IMMP2L: variants seen among roughly 807,000 people sequenced by gnomAD.
IMMP2L encodes inner mitochondrial membrane peptidase subunit 2, also known as mitochondrial inner membrane protease subunit 2.
Under a neutral mutation model 19.3 loss-of-function variants are expected in IMMP2L, and 18 were observed. The ratio of observed to expected loss-of-function variants is 0.93; its 90% confidence interval spans 0.64 to 1.38. The LOEUF (loss-of-function observed/expected upper bound fraction) is 1.38, where lower values mean the gene tolerates loss of function less well. Among genes scored for constraint, IMMP2L ranks in the 40% most tolerant of loss-of-function variants. The pLI, the probability that IMMP2L is intolerant of heterozygous loss-of-function variation, is 0.00. For synonymous variants in IMMP2L, 76 were observed against 73.0 expected (o/e 1.04, Z -0.21); for missense variants, 233 against 218.2 (o/e 1.07, Z -0.43).
chr7:111,323,731 G>A (rs1372881843), intron 3 of IMMP2L, among the ~76,000 whole-genome samples: 1 of 152,058 alleles, frequency 6.6e-6, no homozygotes, highest in East Asian at 1.9e-4. Context: ...GCAAAGATTT[G>A]GAACCAACTC....
chr7:111,162,631 C>A (rs1334591790), intron 3 of IMMP2L, among the ~76,000 whole-genome samples: 3 of 150,896 alleles, frequency 2.0e-5, no homozygotes, highest in African/African-American at 7.4e-5. Flanking sequence ...AGATTTTGAG[C>A]GAGTAGTTTT....
At chr7:110,744,966 G>A (rs1584694862) in intron 5 of IMMP2L, among the ~76,000 whole-genome samples, 1 of 152,186 alleles carries the variant, frequency 6.6e-6, no homozygotes, top group East Asian at 1.9e-4. Flanking sequence ...AGCTAAAGGA[G>A]CATGTCTTAA....
Position 111,180,655 on chromosome 7 carries a change from C to G in IMMP2L, c.240-217090G>C, listed in dbSNP as rs562950064. Among the ~76,000 whole-genome samples, 45 of 152,128 alleles carry G rather than the reference C, an allele frequency of 3.0e-4. 1 individual carries two copies. Among genetic ancestry groups the G allele is most frequent in the African/African-American group, 1.0e-3 (43 of 41,508 alleles). On this transcript the variant is annotated intron_variant, in intron 3 of 5. Coordinates refer to ENST00000405709, the MANE Select transcript of IMMP2L (RefSeq NM_032549.4). ...TTACTCAATGCAGGGTTGCTACAAA[C>G]CTAATGCATAATACAGTGAAGCACA...
chr7:111,503,211 A>T (rs540390579), intron 2 of IMMP2L, among the ~76,000 whole-genome samples: 1 of 152,192 alleles, frequency 6.6e-6, no homozygotes, highest in Non-Finnish European at 1.5e-5. Context: ...AAATAACTAG[A>T]AAATCTAGAA....
intron 5 of IMMP2L, among the ~76,000 whole-genome samples, chr7:110,672,057 T>C (rs949239577): frequency 6.6e-6 from 1 of 152,120 alleles, no homozygotes; most frequent in Non-Finnish European, 1.5e-5. Context: ...TCAGAACTTG[T>C]ATTATTCCAT....
At chr7:111,422,603 TAAG>T (rs1353681766) in intron 3 of IMMP2L, among the ~76,000 whole-genome samples, 1 of 151,910 alleles carries the variant, frequency 6.6e-6, no homozygotes, top group South Asian at 2.1e-4. Context: ...CTTATCAGCT[TAAG>T]GAGATTTTGG....
chr7:111,223,641 G>A (rs966290405), intron 3 of IMMP2L, among the ~76,000 whole-genome samples: 6 of 152,002 alleles, frequency 3.9e-5, no homozygotes. Context: ...TTTGTAACAT[G>A]CTTAATTACC....
chr7:111,549,141 T>C (rs956429652), intron 1 of IMMP2L, among the ~76,000 whole-genome samples: 4 of 152,206 alleles, frequency 2.6e-5, no homozygotes, highest in African/African-American at 9.6e-5. Context: ...TTTGGCAGTA[T>C]TGACTTGTTA....
rs552607013 is a variant in IMMP2L, at chr7:111,321,262, A to G, written c.239+165976T>C. 1.6e-3 allele frequency among the ~76,000 whole-genome samples: 247 copies of G among 152,088 alleles called. 1 individual carries two copies. Among genetic ancestry groups the G allele is most frequent in the Middle Eastern group, 0.014 (4 of 294 alleles). On this transcript the variant is annotated intron_variant, in intron 3 of 5. Transcript: ENST00000405709. ...CCATACAGTGAGAATGTAAGTCAAC[A>G]CACAATTGGCTCAGGGTAAGCAGAT...
chr7:111,275,868 G>T (rs1450852605), intron 3 of IMMP2L, among the ~76,000 whole-genome samples: 1 of 152,010 alleles, frequency 6.6e-6, no homozygotes, highest in Non-Finnish European at 1.5e-5. Context: ...AAGAAATGCT[G>T]CTGATTCCTG....
chr7:110,697,344 G>A (rs1793966606), intron 5 of IMMP2L, among the ~76,000 whole-genome samples: 1 of 152,132 alleles, frequency 6.6e-6, no homozygotes. Context: ...AAATACAGGA[G>A]AACCTAAAAA....
chr7:110,785,045 T>G (rs2131105601), intron 5 of IMMP2L, among the ~76,000 whole-genome samples: 1 of 152,130 alleles, frequency 6.6e-6, no homozygotes, highest in African/African-American at 2.4e-5. Context: ...TTTTAACTTC[T>G]CATCAATATC....
In IMMP2L at chr7:111,487,331, T is replaced by C; in HGVS notation, c.146A>G (p.Asn49Ser). Residue 49 changes from asparagine (N) to serine (S), a missense_variant, in exon 3 of 6, where the codon AAT (asparagine) becomes AGT (serine). Transcript: ENST00000405709. ...VEGASMQPSL[N>S]PGGSQSSDVV... ...ATCAGATGACTGGCTCCCCCCAGGA[T>C]TCAAAGAAGGCTAGAAAATAAGGAG... The C allele has an allele frequency of 6.2e-7, 1 of 1,600,428 alleles. No homozygotes were observed. The highest frequency in any genetic ancestry group is 8.6e-7 in the Non-Finnish European group (1 of 1,167,650).
intron 5 of IMMP2L, among the ~76,000 whole-genome samples, chr7:110,837,405 G>A (rs1267925951): frequency 2.0e-5 from 3 of 151,846 alleles, no homozygotes; most frequent in Non-Finnish European, 2.9e-5. Context: ...GGGAGAAAGA[G>A]CAAGAAAGAG....
chr7:111,141,203 A>C (rs564108967), intron 3 of IMMP2L, among the ~76,000 whole-genome samples: 1 of 152,228 alleles, frequency 6.6e-6, no homozygotes, highest in Admixed American at 6.5e-5. Flanking sequence ...GTTACCACCA[A>C]ATTCCATACT....
chr7:110,768,644 G>A (rs887165575), intron 5 of IMMP2L, among the ~76,000 whole-genome samples: 2 of 152,058 alleles, frequency 1.3e-5, no homozygotes, highest in Non-Finnish European at 2.9e-5. Flanking sequence ...CCTCCCTCCC[G>A]GGCCAGCTTC....
intron 3 of IMMP2L, among the ~76,000 whole-genome samples, chr7:111,397,723 C>T (rs1040807174): frequency 4.6e-5 from 7 of 151,962 alleles, no homozygotes; most frequent in Admixed American, 1.3e-4. Flanking sequence ...TGCCTATTAT[C>T]CTTCGGATGT....
chr7:110,927,544 A>T (rs1814989035), intron 4 of IMMP2L, among the ~76,000 whole-genome samples: 1 of 152,122 alleles, frequency 6.6e-6, no homozygotes, highest in East Asian at 1.9e-4. Flanking sequence ...ATATGACTGT[A>T]GAAGAATGGT....
intron 3 of IMMP2L, among the ~76,000 whole-genome samples, chr7:111,153,220 G>A (rs534785171): frequency 6.6e-6 from 1 of 151,946 alleles, no homozygotes; most frequent in Non-Finnish European, 1.5e-5. Context: ...TCATGACTTT[G>A]GGAATTTTAA....
Sources: allele counts gnomAD v4.1 joint callset (sites outside exome capture counted in the v4.1 genomes callset), GRCh38; gene constraint gnomAD v4.1.1; transcripts MANE v1.5; gene names NCBI Gene and HGNC (gene_info 2026-07-23, HGNC 2026-07-21).